LCE7A: variants seen among roughly 807,000 people sequenced by gnomAD.
The protein encoded by LCE7A is late cornified envelope 7A, also known as late cornified envelope protein 7A.
At chr1:152,860,747 T>TC in the LCE7A span, among the ~76,000 whole-genome samples, 1 of 152,178 alleles carries the variant, frequency 6.6e-6, no homozygotes, top group East Asian at 1.9e-4. Context: ...GCCAAGTGCC[T>TC]CCCCAAATAT....
chr1:152,861,165 AT>A, the LCE7A span, among the ~76,000 whole-genome samples: 1 of 152,148 alleles, frequency 6.6e-6, no homozygotes, highest in Admixed American at 6.5e-5. Flanking sequence ...GTGTTCCTAG[AT>A]CAAGGAGACC....
At chr1:152,860,447 A>G in the LCE7A span, among the ~76,000 whole-genome samples, 2 of 152,194 alleles carry the variant, frequency 1.3e-5, no homozygotes, top group Non-Finnish European at 2.9e-5. Flanking sequence ...CTGCCTTTGA[A>G]GTCAGGAGTC....
At chr1:152,860,494 C>T in the LCE7A span, among the ~76,000 whole-genome samples, 1 of 152,126 alleles carries the variant, frequency 6.6e-6, no homozygotes, top group Non-Finnish European at 1.5e-5. Context: ...GAAGATGTCA[C>T]CAGACTCTAA....
At chr1:152,861,250 CTA>C in the LCE7A span, among the ~76,000 whole-genome samples, 2 of 152,182 alleles carry the variant, frequency 1.3e-5, no homozygotes, top group South Asian at 4.1e-4. Context: ...TCCTGGTGCC[CTA>C]TATGTTTGTC....
chr1:152,860,635 T>G, the LCE7A span, among the ~76,000 whole-genome samples: 3,712 of 152,292 alleles, frequency 0.024, 169 homozygotes, highest in African/African-American at 0.085. Flanking sequence ...CAAACAAGGT[T>G]TACATTAATT....
chr1:152,860,782 C>T, the LCE7A span, among the ~76,000 whole-genome samples: 1 of 152,228 alleles, frequency 6.6e-6, no homozygotes, highest in Non-Finnish European at 1.5e-5. Context: ...CCCTCAGGCT[C>T]CTGCTTCATG....
chr1:152,860,279 G>T, the LCE7A span, among the ~76,000 whole-genome samples: 1 of 152,128 alleles, frequency 6.6e-6, no homozygotes, highest in African/African-American at 2.4e-5. Flanking sequence ...AGGGCTAAAG[G>T]TACAGCTCAT....
chr1:152,860,892 A>T, the LCE7A span, among the ~76,000 whole-genome samples: 2 of 152,044 alleles, frequency 1.3e-5, no homozygotes, highest in Non-Finnish European at 2.9e-5. Context: ...TCCGGTTTCC[A>T]CGATTCTACC....
the LCE7A span, among the ~76,000 whole-genome samples, chr1:152,860,911 C>G: frequency 6.6e-6 from 1 of 152,170 alleles, no homozygotes; most frequent in South Asian, 2.1e-4. Context: ...CCTGCGTCAG[C>G]CCCAGCATTC....
At chr1:152,860,195 G>A in the LCE7A span, among the ~76,000 whole-genome samples, 3 of 152,108 alleles carry the variant, frequency 2.0e-5, no homozygotes, top group African/African-American at 7.2e-5. Flanking sequence ...AACCCAGAAG[G>A]AGTGAAGTTA....
At chr1:152,860,583 A>G in the LCE7A span, among the ~76,000 whole-genome samples, 1 of 152,190 alleles carries the variant, frequency 6.6e-6, no homozygotes, top group African/African-American at 2.4e-5. Context: ...GGAGCCACAT[A>G]TTCAACTGTA....
the LCE7A span, among the ~76,000 whole-genome samples, chr1:152,860,253 C>T: frequency 4.0e-5 from 6 of 151,746 alleles, no homozygotes; most frequent in South Asian, 2.1e-4. Context: ...GAGACAGCCA[C>T]GCAGGGCTGA....
At chr1:152,860,819 C>T in the LCE7A span, among the ~76,000 whole-genome samples, 8 of 152,192 alleles carry the variant, frequency 5.3e-5, no homozygotes, top group African/African-American at 1.9e-4. Context: ...CCTCCAGCTC[C>T]CTCCTGCTGT....
the LCE7A span, among the ~76,000 whole-genome samples, chr1:152,861,147 C>T: frequency 1.3e-4 from 20 of 152,196 alleles, no homozygotes; most frequent in Admixed American, 6.5e-4. Flanking sequence ...GGCCTCTTGG[C>T]CTTGGCTGTG....
At chr1:152,860,268 T>C in the LCE7A span, among the ~76,000 whole-genome samples, 1 of 151,222 alleles carries the variant, frequency 6.6e-6, no homozygotes, top group East Asian at 1.9e-4. Flanking sequence ...GGCTGAAGAG[T>C]AGGGCTAAAG....
the LCE7A span, among the ~76,000 whole-genome samples, chr1:152,860,365 T>C: frequency 6.6e-6 from 1 of 152,180 alleles, no homozygotes; most frequent in Non-Finnish European, 1.5e-5. Flanking sequence ...ATGTGGTTTT[T>C]AGAATGCATA....
the LCE7A span, among the ~76,000 whole-genome samples, chr1:152,860,373 A>T: frequency 3.1e-3 from 465 of 152,316 alleles, 4 homozygotes; most frequent in Non-Finnish European, 3.3e-3. Flanking sequence ...TTTAGAATGC[A>T]TAAATTAGAA....
the LCE7A span, among the ~76,000 whole-genome samples, chr1:152,860,541 C>G: frequency 6.6e-6 from 1 of 152,190 alleles, no homozygotes. Context: ...GTCAGGAAAG[C>G]AGGGCTGCTC....
the LCE7A span, among the ~76,000 whole-genome samples, chr1:152,860,851 G>A: frequency 6.6e-6 from 1 of 152,220 alleles, no homozygotes; most frequent in Admixed American, 6.5e-5. Context: ...CTGTATTTCT[G>A]GCTTTGGAGG....
Sources: gnomAD v4.1 joint callset for allele counts (sites outside exome capture counted in the v4.1 genomes callset) on GRCh38, gnomAD v4.1.1 for gene constraint, MANE v1.5 for transcripts, NCBI Gene and HGNC (gene_info 2026-07-23, HGNC 2026-07-21) for gene names.